The following DOCK1 variants were observed in gnomAD, a reference collection of about 807,000 sequenced individuals.
DOCK1 encodes dedicator of cytokinesis 1, also known as dedicator of cytokinesis protein 1.
A neutral mutation model predicts 262.7 loss-of-function variants in DOCK1; 138 were observed. The observed-to-expected ratio is 0.53, with a 90% CI of 0.46 to 0.61. The LOEUF (loss-of-function observed/expected upper bound fraction) is 0.61. Ranked by LOEUF, DOCK1 falls within the 20% of genes least tolerant of loss-of-function variation. The pLI, the probability that DOCK1 is intolerant of heterozygous loss-of-function variation, is 0.00. For missense variants in DOCK1, 1,908 were observed against 2,370.7 expected, an observed-to-expected ratio of 0.80 and a Z score of 4.05; for synonymous variants, 866 against 867.4, an observed-to-expected ratio of 1.00 and a Z score of 0.03.
At chr10:127,059,028 CTG>C (rs2135799566) in intron 22 of DOCK1, among the ~76,000 whole-genome samples, 1 of 152,182 alleles carries the variant, frequency 6.6e-6, no homozygotes, top group East Asian at 1.9e-4. Context: ...TTATGGGACT[CTG>C]TTTGTATGAA....
intron 20 of DOCK1, 56 bp from the exon 21 acceptor site, chr10:127,043,008 T>C (rs2044122042): frequency 7.3e-7 from 1 of 1,363,136 alleles, no homozygotes; most frequent in African/African-American, 1.4e-5. Flanking sequence ...CTGATGAAGA[T>C]TATAAAATGG....
intron 25 of DOCK1, among the ~76,000 whole-genome samples, chr10:127,124,871 CA>C (rs1368620837): frequency 6.6e-6 from 1 of 152,002 alleles, no homozygotes; most frequent in Admixed American, 6.6e-5. Context: ...TTTAATGTTG[CA>C]AATTAGTGAA....
chr10:127,086,107 G>A (rs1468731667), intron 23 of DOCK1, among the ~76,000 whole-genome samples: 2 of 152,150 alleles, frequency 1.3e-5, no homozygotes, highest in Admixed American at 6.5e-5. Context: ...GACTCGGTGC[G>A]GGGATGCAAG....
intron 26 of DOCK1, among the ~76,000 whole-genome samples, 177 bp from the exon 27 acceptor site, chr10:127,127,492 T>A (rs1434730712): frequency 6.6e-6 from 1 of 152,216 alleles, no homozygotes; most frequent in Non-Finnish European, 1.5e-5. Context: ...CTATAATTAA[T>A]AAAAACCCCT....
chr10:127,127,004 G>A (rs572184153), intron 26 of DOCK1, among the ~76,000 whole-genome samples: 2 of 152,300 alleles, frequency 1.3e-5, no homozygotes, highest in Non-Finnish European at 1.5e-5. Context: ...CCAAAGGCCA[G>A]CCTCCAGTGG....
intron 29 of DOCK1, among the ~76,000 whole-genome samples, chr10:127,288,732 T>G (rs907040842): frequency 6.7e-6 from 1 of 150,098 alleles, no homozygotes; most frequent in East Asian, 2.0e-4. Flanking sequence ...ATATACAGCA[T>G]AATATAGAAT....
rs1303087421 is a variant in DOCK1, at chr10:127,437,161, C to A, written c.5061-1866C>A. 6.6e-6 allele frequency among the ~76,000 whole-genome samples: 1 copy of A among 152,182 alleles called. No homozygotes were observed. The highest frequency in any genetic ancestry group is 1.5e-5 in the Non-Finnish European group (1 of 68,038). On this transcript the variant is annotated intron_variant, in intron 48 of 51. Coordinates refer to ENST00000623213, the MANE Select transcript of DOCK1 (RefSeq NM_001290223.2). The surrounding 1 kb of genome is among the most constrained non-coding windows in gnomAD (Gnocchi z 4.4). The stretch of plus-strand genomic sequence containing the variant: ...ATAGGTACTTGTGTGTTCTTCCATT[C>A]AGAGGCACATCATAACCTGTTCTCT...
intron 43 of DOCK1, among the ~76,000 whole-genome samples, chr10:127,413,480 C>G (rs539070398): frequency 6.6e-6 from 1 of 152,220 alleles, no homozygotes; most frequent in Non-Finnish European, 1.5e-5. Context: ...GAGCCTGGCT[C>G]CAAGTGCAGG....
At chr10:126,936,531 A>C (rs1315250879) in intron 1 of DOCK1, among the ~76,000 whole-genome samples, 1 of 152,196 alleles carries the variant, frequency 6.6e-6, no homozygotes, top group African/African-American at 2.4e-5. Flanking sequence ...GTATTTAAAA[A>C]CATAAAAACC....
At chr10:127,141,398 CAG>C (rs1224287196) in intron 27 of DOCK1, among the ~76,000 whole-genome samples, 1 of 152,102 alleles carries the variant, frequency 6.6e-6, no homozygotes, top group African/African-American at 2.4e-5. Flanking sequence ...TGAATGAGAA[CAG>C]AGTCTTAAAA....
chr10:127,155,915 G>A (rs1159825656), intron 27 of DOCK1, among the ~76,000 whole-genome samples: 1 of 152,184 alleles, frequency 6.6e-6, no homozygotes, highest in Non-Finnish European at 1.5e-5. Context: ...GTTGGCTTGG[G>A]TGGCAGATGA....
At chr10:127,408,749 A>G (rs561593168) in intron 40 of DOCK1, among the ~76,000 whole-genome samples, 1 of 152,282 alleles carries the variant, frequency 6.6e-6, no homozygotes, top group South Asian at 2.1e-4. Context: ...GGTTTTTCAT[A>G]TAGTTTTTAA....
intron 27 of DOCK1, among the ~76,000 whole-genome samples, chr10:127,224,438 T>C (rs1476498505): frequency 6.6e-6 from 1 of 152,002 alleles, no homozygotes; most frequent in African/African-American, 2.4e-5. Context: ...GGTACACACC[T>C]GTAATCCCAG....
chr10:127,137,827 A>G, intron 27 of DOCK1: 2 of 1,609,114 alleles, frequency 1.2e-6, no homozygotes. Context: ...GACTCCAGAC[A>G]CCGTGAGTGT....
intron 25 of DOCK1, among the ~76,000 whole-genome samples, chr10:127,125,064 C>G (rs1205466816): frequency 6.6e-6 from 1 of 152,028 alleles, no homozygotes; most frequent in Non-Finnish European, 1.5e-5. Context: ...TTGCAGTGAG[C>G]CGAGATCACA....
chr10:127,041,243 G>A (rs1411192480), intron 19 of DOCK1, among the ~76,000 whole-genome samples: 2 of 152,178 alleles, frequency 1.3e-5, no homozygotes, highest in South Asian at 2.1e-4. Flanking sequence ...GATTACAAGC[G>A]TGTGCCACCA....
At chr10:127,182,298 T>C (rs2055811595) in intron 27 of DOCK1, among the ~76,000 whole-genome samples, 1 of 152,150 alleles carries the variant, frequency 6.6e-6, no homozygotes, top group South Asian at 2.1e-4. Flanking sequence ...TAGAAAACAC[T>C]CTTAACGAAC....
At chr10:127,320,320 A>G (rs908284087) in intron 29 of DOCK1, among the ~76,000 whole-genome samples, 2 of 152,184 alleles carry the variant, frequency 1.3e-5, no homozygotes, top group Non-Finnish European at 2.9e-5. Context: ...AAGTCTTTCC[A>G]GTGGCTGGCT....
intron 27 of DOCK1, among the ~76,000 whole-genome samples, chr10:127,161,805 G>A (rs2053614934): frequency 6.6e-6 from 1 of 152,282 alleles, no homozygotes; most frequent in Non-Finnish European, 1.5e-5. Context: ...CAGTCACAGA[G>A]GAGATGGCAA....
Sources: allele counts gnomAD v4.1 joint callset (sites outside exome capture counted in the v4.1 genomes callset), GRCh38; gene constraint gnomAD v4.1.1; non-coding constraint Gnocchi (gnomAD v3.1); transcripts MANE v1.5; gene names NCBI Gene and HGNC (gene_info 2026-07-23, HGNC 2026-07-21).